The following GRID2 variants were observed in gnomAD, a reference collection of about 807,000 sequenced individuals.
The protein encoded by GRID2 is glutamate ionotropic receptor delta type subunit 2, also known as glutamate receptor ionotropic, delta-2.
Under a neutral mutation model 114.8 loss-of-function variants are expected in GRID2, and 33 were observed. The ratio of observed to expected loss-of-function variants is 0.29; its 90% CI spans 0.22 to 0.38. GRID2 has a LOEUF of 0.38. GRID2 is among the 10% of genes least tolerant of loss of function. GRID2 has a pLI of 1.00. For synonymous variants in GRID2, 505 were observed against 449.9 expected (o/e 1.12, Z -1.55); for missense variants, 1,184 against 1,257.7 (o/e 0.94, Z 0.89).
At chr4:92,948,570 G>C (rs924795722) in intron 2 of GRID2, among the ~76,000 whole-genome samples, 5 of 151,634 alleles carry the variant, frequency 3.3e-5, no homozygotes, top group Non-Finnish European at 7.4e-5. Context: ...GTCAAAATCA[G>C]AATTAGTGCA....
intron 2 of GRID2, among the ~76,000 whole-genome samples, chr4:92,839,334 T>C (rs577937869): frequency 3.6e-4 from 54 of 151,638 alleles, no homozygotes; most frequent in African/African-American, 1.2e-3. Flanking sequence ...TAGTTACTTA[T>C]GTATACATGT....
rs1283418684 is a variant in GRID2 at position 92,954,673 on chromosome 4, G to C, written c.245-130322G>C. Among the ~76,000 whole-genome samples the C allele has an allele frequency of 2.7e-5, 4 of 146,750 alleles. No individual in the cohort carries two copies. The East Asian group carries it at 8.2e-4, about 30-fold the overall frequency. On this transcript the variant is annotated intron_variant, in intron 2 of 15. Coordinates refer to ENST00000282020, the MANE Select transcript of GRID2 (RefSeq NM_001510.4). ...GTACATGTGCACATTGTGCAGGTTAGTTACATATGTATACATGTGCCATGC... is the reference window on the plus strand; with the variant it reads ...GTACATGTGCACATTGTGCAGGTTACTTACATATGTATACATGTGCCATGC...
intron 2 of GRID2, among the ~76,000 whole-genome samples, chr4:92,970,124 C>A (rs1753406401): frequency 6.6e-6 from 1 of 151,892 alleles, no homozygotes; most frequent in Non-Finnish European, 1.5e-5. Flanking sequence ...CAAATGGAAT[C>A]TAGGTTAGAC....
chr4:92,848,101 G>T (rs1274293533), intron 2 of GRID2, among the ~76,000 whole-genome samples: 1 of 151,852 alleles, frequency 6.6e-6, no homozygotes, highest in Non-Finnish European at 1.5e-5. Flanking sequence ...ATAATGGTAT[G>T]TTACTGTGCA....
At chr4:93,396,444 A>C (rs1304580927) in intron 9 of GRID2, among the ~76,000 whole-genome samples, 1 of 151,888 alleles carries the variant, frequency 6.6e-6, no homozygotes, top group African/African-American at 2.4e-5. Context: ...TAGGTTATAG[A>C]GTGTGGATAT....
intron 13 of GRID2, among the ~76,000 whole-genome samples, chr4:93,594,299 T>C (rs1194392153): frequency 1.3e-5 from 2 of 152,132 alleles, no homozygotes; most frequent in Non-Finnish European, 2.9e-5. Context: ...GCAGGTCTGT[T>C]GGAGTACCCT....
At chr4:93,645,178 T>G (rs911791495) in intron 14 of GRID2, among the ~76,000 whole-genome samples, 3 of 152,118 alleles carry the variant, frequency 2.0e-5, no homozygotes, top group African/African-American at 7.2e-5. Context: ...GAGCATCAAA[T>G]GGACACAGAA....
At chr4:92,848,644 G>T (rs1743521280) in intron 2 of GRID2, among the ~76,000 whole-genome samples, 1 of 151,956 alleles carries the variant, frequency 6.6e-6, no homozygotes, top group Admixed American at 6.6e-5. Context: ...TGGGTAACTA[G>T]ATTGATGAGT....
At chr4:93,723,875 G>T (rs896418591) in intron 14 of GRID2, among the ~76,000 whole-genome samples, 1 of 151,970 alleles carries the variant, frequency 6.6e-6, no homozygotes, top group Non-Finnish European at 1.5e-5. Flanking sequence ...ATAACAAACT[G>T]GTAACCAATT....
intron 2 of GRID2, among the ~76,000 whole-genome samples, chr4:93,024,802 C>G (rs1723733701): frequency 6.6e-6 from 1 of 151,722 alleles, no homozygotes; most frequent in African/African-American, 2.4e-5. Context: ...CACTATCACA[C>G]TGAAACAAAA....
chr4:93,529,941 C>T (rs1373019366), intron 13 of GRID2, among the ~76,000 whole-genome samples: 7 of 152,216 alleles, frequency 4.6e-5, no homozygotes, highest in East Asian at 1.9e-4. Context: ...TGCAAGTTGA[C>T]GCTTATCTTT....
intron 14 of GRID2, among the ~76,000 whole-genome samples, chr4:93,720,582 A>G: frequency 6.6e-6 from 1 of 152,316 alleles, no homozygotes; most frequent in Non-Finnish European, 1.5e-5. Context: ...TATTGGAATG[A>G]TGCATCTGTA....
At chr4:93,039,898 A>G (rs1725328803) in intron 2 of GRID2, among the ~76,000 whole-genome samples, 1 of 152,180 alleles carries the variant, frequency 6.6e-6, no homozygotes, top group Admixed American at 6.6e-5. Context: ...CTGAAAATAT[A>G]TGGTATTAGT....
At chr4:93,551,913 G>A (rs1446851981) in intron 13 of GRID2, among the ~76,000 whole-genome samples, 3 of 152,074 alleles carry the variant, frequency 2.0e-5, no homozygotes, top group African/African-American at 7.2e-5. Context: ...AAGTTTTAGG[G>A]TACATATGCA....
chr4:92,635,496 T>C (rs1731025394), intron 2 of GRID2, among the ~76,000 whole-genome samples: 1 of 152,086 alleles, frequency 6.6e-6, no homozygotes, highest in East Asian at 1.9e-4. Context: ...GAAAGTTTTT[T>C]TTTCCTTAAA....
At position 93,308,747 on chromosome 4, in the gene GRID2, A is replaced by T. The variant is rs1755701864; in HGVS notation, c.1245+70257A>T. Among the ~76,000 whole-genome samples, 24 of 152,204 alleles carry T rather than the reference A, an allele frequency of 1.6e-4. No individual in the cohort carries two copies. In the South Asian group the frequency reaches 5.0e-3, roughly 32 times the overall value. The stretch of plus-strand genomic sequence containing the variant: ...AATGTACACAAAATGGCTGTCACCA[A>T]TGCAATAAGACTTTTTCCAAAAATT... On this transcript the variant is annotated intron_variant, in intron 8 of 15. Coordinates refer to ENST00000282020, the MANE Select transcript of GRID2 (RefSeq NM_001510.4).
In GRID2 at chr4:93,421,958, A is replaced by C. The variant is rs578031498; in HGVS notation, c.1348-813A>C. ...CCATGAATGGTTATCTGTAAATATT[A>C]CTGTTGCTGAAAGATTTCTGAACAA... On this transcript the variant is annotated intron_variant, in intron 9 of 15. Transcript: ENST00000282020. Among the ~76,000 whole-genome samples, 3 of 152,262 alleles carry C rather than the reference A, an allele frequency of 2.0e-5. No individual in the cohort carries two copies. The South Asian group carries it at 6.2e-4, about 32-fold the overall frequency.
At chr4:92,790,158 G>A (rs762856599) in intron 2 of GRID2, among the ~76,000 whole-genome samples, 5 of 151,602 alleles carry the variant, frequency 3.3e-5, no homozygotes, top group Admixed American at 2.0e-4. Context: ...ATACATATAA[G>A]TATATACACA....
At chr4:93,301,653 T>C (rs1039781383) in intron 8 of GRID2, among the ~76,000 whole-genome samples, 23 of 152,192 alleles carry the variant, frequency 1.5e-4, no homozygotes, top group African/African-American at 5.3e-4. Flanking sequence ...TTTATCAAAG[T>C]ACCACACAAG....
Sources: gnomAD v4.1 joint callset for allele counts (sites outside exome capture counted in the v4.1 genomes callset) on GRCh38, gnomAD v4.1.1 for gene constraint, MANE v1.5 for transcripts, NCBI Gene and HGNC (gene_info 2026-07-23, HGNC 2026-07-21) for gene names.